Variants in COX7A2L observed in about 807,000 individuals in gnomAD.
COX7A2L encodes cytochrome c oxidase subunit 7A2-like, mitochondrial.
Under a neutral mutation model 14.2 loss-of-function variants are expected in COX7A2L, and 18 were observed. The observed-to-expected ratio is 1.27, with a 90% CI of 0.88 to 1.88. The LOEUF is 1.88. Ranked by LOEUF, COX7A2L falls within the 40% of genes most tolerant of loss-of-function variation. COX7A2L has a pLI of 0.00. For synonymous variants in COX7A2L, 65 were observed against 57.4 expected, an observed-to-expected ratio of 1.13 and a Z score of -0.60; for missense variants, 179 against 138.8, an observed-to-expected ratio of 1.29 and a Z score of -1.46.
At chr2:42,360,852 G>A in intron 1 of COX7A2L, 2 of 572,266 alleles carry the variant, frequency 3.5e-6, no homozygotes, top group Non-Finnish European at 6.2e-6. Flanking sequence ...CTTGACCCCT[G>A]CAGTGAGCCA....
upstream of COX7A2L, chr2:42,361,269 G>A: frequency 9.6e-7 from 1 of 1,046,004 alleles, no homozygotes; most frequent in Non-Finnish European, 1.4e-6. Flanking sequence ...ACCCGGTGCT[G>A]GGACTAGGGC....
At chr2:42,335,973 C>G (rs1670261926) in intron 2 of COX7A2L, among the ~76,000 whole-genome samples, 1 of 152,230 alleles carries the variant, frequency 6.6e-6, no homozygotes, top group African/African-American at 2.4e-5. Flanking sequence ...CAGCAAATGC[C>G]TGTTCTTCCT....
rs1208177671 is a variant in COX7A2L at position 42,338,591 on chromosome 2, TC to T, written c.193-4723del. 2.6e-5 allele frequency among the ~76,000 whole-genome samples: 4 copies of T among 151,954 alleles called. No homozygotes were observed. In the East Asian group the frequency reaches 7.7e-4, roughly 29 times the overall value. On this transcript the variant is annotated intron_variant, in intron 2 of 2. Coordinates refer to the COX7A2L transcript ENST00000468711. This position sits in a 1 kb window ranked among gnomAD's most constrained non-coding sequence, Gnocchi z 4.4. ...AAGATGATTAATTATGAACCAAGAATCCCCCCGATAGGACTCAGCCCCCACC... is the reference window on the plus strand; with the variant it reads ...AAGATGATTAATTATGAACCAAGAATCCCCCGATAGGACTCAGCCCCCACC...
At chr2:42,366,282 C>T (rs974246461) in intron 1 of COX7A2L, among the ~76,000 whole-genome samples, 3 of 152,068 alleles carry the variant, frequency 2.0e-5, no homozygotes, top group East Asian at 1.9e-4. Context: ...AAAAATTAGT[C>T]GGGCGTGATT....
At chr2:42,365,743 C>G (rs1290078887), upstream of COX7A2L, 1 of 152,166 alleles carries the variant, frequency 6.6e-6, no homozygotes, top group Non-Finnish European at 1.5e-5. Context: ...TTAGAATGTT[C>G]TTTAATCACC....
Position 42,339,183 on chromosome 2 carries a change from A to T in COX7A2L, c.193-5314T>A, listed in dbSNP as rs1670348858. ...TTTTTTTAATCAAATTTTAGTAGTT[A>T]ATTACTTTTTTTATTAACCATTATC... is the stretch of plus-strand genomic sequence containing the variant. On this transcript the variant is annotated intron_variant, in intron 2 of 2. Transcript: ENST00000468711. The surrounding 1 kb of genome is among the most constrained non-coding windows in gnomAD (Gnocchi z 5.4). Among the ~76,000 whole-genome samples, 1 of 152,188 alleles carries T rather than the reference A, an allele frequency of 6.6e-6. No homozygotes were observed. The highest frequency in any genetic ancestry group is 2.4e-5 in the African/African-American group (1 of 41,444).
intron 2 of COX7A2L, 47 bp downstream of exon 2, chr2:42,353,165 G>A: frequency 6.3e-7 from 1 of 1,592,292 alleles, no homozygotes. Flanking sequence ...GATTTTTTAA[G>A]CCTATTTATT....
chr2:42,345,005 A>G (rs894617703), downstream of COX7A2L, among the ~76,000 whole-genome samples: 3 of 152,218 alleles, frequency 2.0e-5, no homozygotes, highest in African/African-American at 4.8e-5. Flanking sequence ...TTGTTTTCAT[A>G]AACAGAAGGG....
At chr2:42,368,184 T>C (rs1312429040) in intron 1 of COX7A2L, among the ~76,000 whole-genome samples, 1 of 152,216 alleles carries the variant, frequency 6.6e-6, no homozygotes, top group Non-Finnish European at 1.5e-5. Context: ...ATGTTTTGTT[T>C]ATGGAGCAAT....
downstream of COX7A2L, among the ~76,000 whole-genome samples, chr2:42,345,161 T>C (rs1338824354): frequency 6.6e-6 from 1 of 152,060 alleles, no homozygotes; most frequent in Non-Finnish European, 1.5e-5. Flanking sequence ...GGCGGGCAGA[T>C]CACCTGAGGT....
upstream of COX7A2L, among the ~76,000 whole-genome samples, chr2:42,362,292 GGAT>G (rs1671075714): frequency 6.6e-6 from 1 of 152,128 alleles, no homozygotes; most frequent in African/African-American, 2.4e-5. Flanking sequence ...TACTCTCCAG[GGAT>G]GGACTCAGGC....
intron 1 of COX7A2L, among the ~76,000 whole-genome samples, chr2:42,366,240 G>A (rs1226896898): frequency 8.5e-5 from 13 of 152,122 alleles, no homozygotes; most frequent in Admixed American, 7.2e-4. Flanking sequence ...GACCAGCCTG[G>A]GCAACATGGT....
In COX7A2L at chr2:42,351,218, C is replaced by T. The variant is rs1169700723; in HGVS notation, c.*1G>A. 1.9e-6 allele frequency: 3 copies of T among 1,613,356 alleles called. No individual in the cohort carries two copies. Among genetic ancestry groups the T allele is most frequent in the Non-Finnish European group, 2.5e-6 (3 of 1,179,610 alleles). ...AACAAACCAGTCCTCTGCAGCCTAA[C>T]TCATTTGTTTTTGGGCTGCGAAGCC... On this transcript the variant is annotated 3_prime_UTR_variant, in exon 3 of 3. Transcript: ENST00000234301.
intron 1 of COX7A2L, 199 bp downstream of exon 1, chr2:42,360,891 C>G: frequency 4.8e-6 from 3 of 629,464 alleles, no homozygotes. Context: ...GGCCAGCCCC[C>G]GCCAGGTGAG....
In COX7A2L at chr2:42,339,660, G is replaced by C. The variant is rs1225339633; in HGVS notation, c.193-5791C>G. Among the ~76,000 whole-genome samples, 2 of 151,680 alleles carry C rather than the reference G, an allele frequency of 1.3e-5. No homozygotes were observed. The highest frequency in any genetic ancestry group is 4.9e-5 in the African/African-American group (2 of 41,220). ...TTTTAAATTTATTACTTCCAATAAA[G>C]TGCAGAATCTCAGCGCATTGTGCAC... On this transcript the variant is annotated intron_variant, in intron 2 of 2. Coordinates refer to the COX7A2L transcript ENST00000468711. This position sits in a 1 kb window ranked among gnomAD's most constrained non-coding sequence, Gnocchi z 5.4.
rs112524539 is a variant in COX7A2L, at chr2:42,368,709, C to T, written c.-688+159G>A. Among the ~76,000 whole-genome samples the T allele has an allele frequency of 7.4e-3, 1,127 of 152,272 alleles. 10 individuals carry two copies. Among genetic ancestry groups the T allele is most frequent in the Non-Finnish European group, 7.6e-3 (519 of 68,022 alleles). ...ATGAATGCCTAGGACACAGTAAGCACTCATTAAACTGCAGCAGTTACTGTT... is the reference window on the plus strand; with the variant it reads ...ATGAATGCCTAGGACACAGTAAGCATTCATTAAACTGCAGCAGTTACTGTT... On this transcript the variant is annotated intron_variant, in intron 1 of 3. Coordinates refer to the COX7A2L transcript ENST00000378669.
chr2:42,353,213 TG>T lies in COX7A2L; in HGVS notation c.202del (p.Gln68ArgfsTer10). On this transcript the variant is annotated frameshift_variant and splice_region_variant, in exon 2 of 3. Transcript: ENST00000234301. LOFTEE classifies it high-confidence loss of function. ...CTGTTGTAGAGTATCTTCCCTCACC[TG>T]GAAAAACTTTTGTAGCTCTGGAACT... ...NKVPELQKFF[Q>X]KADGVPVYLK... 6.2e-7 allele frequency: 1 copy of T among 1,613,886 alleles called. No homozygotes were observed. The highest frequency in any genetic ancestry group is 8.5e-7 in the Non-Finnish European group (1 of 1,179,954).
intron 1 of COX7A2L, chr2:42,368,800 C>T (rs1057121691): frequency 6.6e-6 from 1 of 152,146 alleles, no homozygotes; most frequent in Non-Finnish European, 1.5e-5. Flanking sequence ...CTTATCAATC[C>T]TCTTCTCCAG....
At position 42,342,313 on chromosome 2, in the gene COX7A2L, G is replaced by A. The variant is rs375818741; in HGVS notation, c.193-8444C>T. 3.0e-4 allele frequency among the ~76,000 whole-genome samples: 45 copies of A among 152,208 alleles called. 1 individual carries two copies. The South Asian group carries it at 9.1e-3, about 31-fold the overall frequency. On this transcript the variant is annotated intron_variant, in intron 2 of 2. Transcript: ENST00000468711. The surrounding 1 kb of genome is among the most constrained non-coding windows in gnomAD (Gnocchi z 4.9). ...CTGCTCTCTCCCTCTCCCTAGGAGA[G>A]CTGAGACGAGGGACTTGAGCTCTCT...
Sources: gnomAD v4.1 joint callset for allele counts (sites outside exome capture counted in the v4.1 genomes callset) on GRCh38, gnomAD v4.1.1 for gene constraint, Gnocchi (gnomAD v3.1) non-coding constraint, MANE v1.5 for transcripts, NCBI Gene and HGNC (gene_info 2026-07-23, HGNC 2026-07-21) for gene names.